Variants in ACOXL observed in about 807,000 individuals in gnomAD.
The protein encoded by ACOXL is acyl-CoA oxidase like, also known as acyl-coenzyme A oxidase-like protein.
Under a neutral mutation model 71.9 loss-of-function variants are expected in ACOXL, and 70 were observed. That is an observed-to-expected ratio of 0.97 (90% CI 0.80 to 1.19). The LOEUF (loss-of-function observed/expected upper bound fraction) is 1.19, where lower values mean the gene tolerates loss of function less well. ACOXL is among the 50% of genes most tolerant of loss of function. The pLI, the probability that ACOXL is intolerant of heterozygous loss-of-function variation, is 0.00. For synonymous variants in ACOXL, 253 were observed against 281.6 expected (o/e 0.90, Z 1.02); for missense variants, 703 against 736.3 (o/e 0.95, Z 0.52).
chr2:110,860,871 T>G (rs753198581), intron 10 of ACOXL, among the ~76,000 whole-genome samples: 3 of 152,176 alleles, frequency 2.0e-5, no homozygotes, highest in Non-Finnish European at 4.4e-5. Context: ...CACGGCCCCC[T>G]GTTATCCACT....
At chr2:111,069,497 C>T (rs1050696654) in intron 16 of ACOXL, among the ~76,000 whole-genome samples, 7 of 152,152 alleles carry the variant, frequency 4.6e-5, no homozygotes, top group Admixed American at 6.5e-5. Flanking sequence ...TAGGGCCTCA[C>T]CCTAACAGCC....
At chr2:110,958,507 A>G (rs1564705) in intron 12 of ACOXL, among the ~76,000 whole-genome samples, 101,465 of 152,124 alleles carry the variant, frequency 0.67, 33,998 homozygotes, top group East Asian at 0.84. Context: ...GCTTCCATTC[A>G]GTTGGCAGCT....
At position 111,117,985 on chromosome 2, in the gene ACOXL, G is replaced by A. The variant is rs1399442880; in HGVS notation, c.*169G>A. On this transcript the variant is annotated 3_prime_UTR_variant, in exon 18 of 18. Coordinates refer to ENST00000439055, the MANE Select transcript of ACOXL (RefSeq NM_001142807.4). ...CCGAGGCTGGCGAGGTGCGCGGCTG[G>A]CTGCTAGGAAAGAGATCCAGACGGT... The A allele has an allele frequency of 3.8e-6, 3 of 787,044 alleles. No homozygotes were observed. In the East Asian group the frequency reaches 8.1e-5, roughly 21 times the overall value. The allele number at this position is 787,044 out of a possible 1,614,324, so 48.8% of individuals were successfully genotyped here.
intron 5 of ACOXL, among the ~76,000 whole-genome samples, chr2:110,798,258 C>CTT (rs112847463): frequency 1.0e-4 from 14 of 137,954 alleles, no homozygotes; most frequent in African/African-American, 1.3e-4. Flanking sequence ...GTATTCATTG[C>CTT]TTTTTTTTTT....
chr2:111,098,848 A>G (rs2068956505), intron 17 of ACOXL: 1 of 152,228 alleles, frequency 6.6e-6, no homozygotes, highest in Non-Finnish European at 1.5e-5. Context: ...CAGAACACCC[A>G]GGACTTATAC....
intron 1 of ACOXL, among the ~76,000 whole-genome samples, chr2:110,743,331 C>G (rs1197861651): frequency 6.6e-6 from 1 of 152,188 alleles, no homozygotes; most frequent in Non-Finnish European, 1.5e-5. Context: ...CAGGTGAAGT[C>G]TCTTACAGTT....
Position 111,117,797 on chromosome 2 carries a change from A to C in ACOXL, c.1724A>C (p.Lys575Thr). Residue 575 changes from lysine to threonine, a missense_variant, in exon 18 of 18, where the codon AAG becomes ACG. By Grantham distance (78) the Lys-to-Thr change is moderately conservative (BLOSUM62 -1). Coordinates refer to ENST00000439055, the MANE Select transcript of ACOXL (RefSeq NM_001142807.4). ...PREEARSRRP[K>T]LGAKL ...GAAGAGGCGCGCTCCCGGCGGCCCAAGCTGGGAGCCAAGCTCTAACGGGTG... is the reference window on the plus strand; with the variant it reads ...GAAGAGGCGCGCTCCCGGCGGCCCACGCTGGGAGCCAAGCTCTAACGGGTG... 1 of 1,549,910 alleles carries C rather than the reference A, an allele frequency of 6.5e-7. No homozygotes were observed. The highest frequency in any genetic ancestry group is 1.2e-5 in the South Asian group (1 of 83,992).
intron 14 of ACOXL, among the ~76,000 whole-genome samples, chr2:111,007,108 T>C (rs1308747580): frequency 6.6e-6 from 1 of 152,150 alleles, no homozygotes; most frequent in African/African-American, 2.4e-5. Context: ...CATGGGAGTA[T>C]GAGAGCTAGA....
At chr2:111,014,022 C>T (rs534618190) in intron 14 of ACOXL, among the ~76,000 whole-genome samples, 1 of 152,054 alleles carries the variant, frequency 6.6e-6, no homozygotes, top group African/African-American at 2.4e-5. Flanking sequence ...TGATGAAATC[C>T]AACATGAGCT....
At chr2:110,934,231 C>T (rs1383872761) in intron 12 of ACOXL, among the ~76,000 whole-genome samples, 5 of 152,194 alleles carry the variant, frequency 3.3e-5, no homozygotes, top group Non-Finnish European at 5.9e-5. Flanking sequence ...CACACCCATG[C>T]GGGGGTCCAG....
At chr2:110,816,678 G>A (rs1247049048) in intron 9 of ACOXL, among the ~76,000 whole-genome samples, 1 of 152,170 alleles carries the variant, frequency 6.6e-6, no homozygotes, top group Non-Finnish European at 1.5e-5. Flanking sequence ...CACAGGTCCG[G>A]GGATGGTCTC....
chr2:111,034,932 T>C (rs1251518459), intron 15 of ACOXL, among the ~76,000 whole-genome samples: 1 of 151,958 alleles, frequency 6.6e-6, no homozygotes, highest in Admixed American at 6.6e-5. Context: ...CTTTTTTTTT[T>C]TTTTTGACGG....
chr2:110,912,217 A>T (rs1432206803), intron 11 of ACOXL, among the ~76,000 whole-genome samples: 1 of 152,108 alleles, frequency 6.6e-6, no homozygotes, highest in Non-Finnish European at 1.5e-5. Context: ...GATATAAAGC[A>T]GTCTCTATCA....
At chr2:111,070,180 A>G (rs1380639616) in intron 16 of ACOXL, among the ~76,000 whole-genome samples, 2 of 152,180 alleles carry the variant, frequency 1.3e-5, no homozygotes, top group African/African-American at 4.8e-5. Context: ...AAATCATTCT[A>G]CCATAAAGGC....
At chr2:110,899,299 T>A (rs1216522162) in intron 10 of ACOXL, among the ~76,000 whole-genome samples, 1 of 152,204 alleles carries the variant, frequency 6.6e-6, no homozygotes. Context: ...TGCATTTGAT[T>A]ACCTATTGAC....
intron 12 of ACOXL, among the ~76,000 whole-genome samples, chr2:110,973,831 C>T (rs1034522614): frequency 2.0e-5 from 3 of 152,212 alleles, no homozygotes; most frequent in African/African-American, 7.2e-5. Context: ...ATAGCATCTG[C>T]CACAGCTCCA....
rs72942184 is a variant in ACOXL at position 110,786,720 on chromosome 2, G to A, written c.159+1905G>A. On this transcript the variant is annotated intron_variant, in intron 3 of 17. Transcript: ENST00000439055. ...TCTTGCACTGAGCCTAGTCCATGGA[G>A]TTTCACAGGGATCGTCTGAATGAAT... Among the ~76,000 whole-genome samples, 233 of 152,334 alleles carry A rather than the reference G, an allele frequency of 1.5e-3. 3 individuals carry two copies. Among genetic ancestry groups the A allele is most frequent in the African/African-American group, 5.4e-3 (226 of 41,582 alleles).
chr2:110,801,840 C>A, intron 8 of ACOXL, 116 bp downstream of exon 8: 1 of 805,934 alleles, frequency 1.2e-6, no homozygotes, highest in South Asian at 1.6e-5. Context: ...CCCCTAACCA[C>A]CCGTACAGGT....
intron 10 of ACOXL, among the ~76,000 whole-genome samples, chr2:110,903,515 G>A (rs1028184378): frequency 6.6e-6 from 1 of 152,104 alleles, no homozygotes; most frequent in Admixed American, 6.5e-5. Flanking sequence ...ACCACTTTTT[G>A]ATTTTAAAGA....
Sources: gnomAD v4.1 joint callset for allele counts (sites outside exome capture counted in the v4.1 genomes callset) on GRCh38, gnomAD v4.1.1 for gene constraint, MANE v1.5 for transcripts, NCBI Gene and HGNC (gene_info 2026-07-23, HGNC 2026-07-21) for gene names.